Variants in ABTB3 observed in about 807,000 individuals in gnomAD.
ABTB3 encodes the protein ankyrin repeat and BTB domain containing 3.
the ABTB3 span, among the ~76,000 whole-genome samples, chr12:107,519,972 A>C: frequency 6.6e-6 from 1 of 152,186 alleles, no homozygotes; most frequent in African/African-American, 2.4e-5. Flanking sequence ...ACATCCTGAC[A>C]TATAGCTCCA....
chr12:107,612,867 G>C, the ABTB3 span: 1 of 1,613,436 alleles, frequency 6.2e-7, no homozygotes, highest in Non-Finnish European at 8.5e-7. Context: ...CCTGAATGTG[G>C]AGGTGAGGGT....
At chr12:107,619,216 T>G in the ABTB3 span, among the ~76,000 whole-genome samples, 1 of 152,328 alleles carries the variant, frequency 6.6e-6, no homozygotes, top group East Asian at 1.9e-4. Flanking sequence ...TTTTGCATGA[T>G]GATGAAGCTC....
At chr12:107,509,271 T>G in the ABTB3 span, among the ~76,000 whole-genome samples, 2 of 152,098 alleles carry the variant, frequency 1.3e-5, no homozygotes, top group East Asian at 3.9e-4. Context: ...TTGGATTACA[T>G]GGAAAGGGAA....
At chr12:107,415,442 C>T in the ABTB3 span, among the ~76,000 whole-genome samples, 98 of 152,212 alleles carry the variant, frequency 6.4e-4, 1 homozygote, top group African/African-American at 2.3e-3. Context: ...GGCGTGGTGG[C>T]TCACACCTGT....
chr12:107,563,245 A>G, the ABTB3 span, among the ~76,000 whole-genome samples: 1 of 152,232 alleles, frequency 6.6e-6, no homozygotes, highest in Admixed American at 6.5e-5. Flanking sequence ...GTAAAGTGGG[A>G]AAACCACCAG....
the ABTB3 span, among the ~76,000 whole-genome samples, chr12:107,405,106 A>C: frequency 6.6e-6 from 1 of 152,170 alleles, no homozygotes. Flanking sequence ...TAGACAAGGC[A>C]CTGGTTTGAT....
chr12:107,436,941 C>T, the ABTB3 span, among the ~76,000 whole-genome samples: 124 of 152,106 alleles, frequency 8.2e-4, no homozygotes, highest in African/African-American at 2.5e-3. Context: ...ACTTTCTCCC[C>T]GCTTCTGCAT....
the ABTB3 span, among the ~76,000 whole-genome samples, chr12:107,326,391 C>T: frequency 6.6e-6 from 1 of 152,148 alleles, no homozygotes; most frequent in Non-Finnish European, 1.5e-5. Context: ...GCCTTCAGTA[C>T]CTTTCTTGGG....
At chr12:107,465,785 A>C in the ABTB3 span, among the ~76,000 whole-genome samples, 1 of 151,974 alleles carries the variant, frequency 6.6e-6, no homozygotes. Context: ...CAGGCCTAAC[A>C]TCCCTGACTT....
At chr12:107,551,338 GA>G in the ABTB3 span, among the ~76,000 whole-genome samples, 9 of 151,046 alleles carry the variant, frequency 6.0e-5, no homozygotes, top group South Asian at 1.5e-3. Flanking sequence ...TTCCTAAGGA[GA>G]AAAAAAAATA....
At chr12:107,453,698 G>A in the ABTB3 span, among the ~76,000 whole-genome samples, 3 of 152,122 alleles carry the variant, frequency 2.0e-5, no homozygotes, top group East Asian at 3.8e-4. Flanking sequence ...AATTCCTCTG[G>A]TAAACCAGAA....
At chr12:107,415,682 T>C in the ABTB3 span, among the ~76,000 whole-genome samples, 1 of 147,126 alleles carries the variant, frequency 6.8e-6, no homozygotes, top group Non-Finnish European at 1.5e-5. Flanking sequence ...CACTCCAGCC[T>C]GGGTGACAGA....
chr12:107,426,976 C>T, the ABTB3 span, among the ~76,000 whole-genome samples: 1 of 152,200 alleles, frequency 6.6e-6, no homozygotes, highest in South Asian at 2.1e-4. Context: ...CCCCCACTGC[C>T]CCAAGAGCCA....
At chr12:107,563,122 A>G in the ABTB3 span, among the ~76,000 whole-genome samples, 2 of 152,172 alleles carry the variant, frequency 1.3e-5, no homozygotes, top group Non-Finnish European at 2.9e-5. Flanking sequence ...TTCTCATTAA[A>G]TCTTAATTAT....
the ABTB3 span, among the ~76,000 whole-genome samples, chr12:107,541,302 G>A: frequency 5.9e-5 from 9 of 152,210 alleles, no homozygotes; most frequent in Non-Finnish European, 1.3e-4. Flanking sequence ...TGGTGGAGAA[G>A]GGGTGAGATC....
chr12:107,550,899 TA>T, the ABTB3 span, among the ~76,000 whole-genome samples: 5 of 152,006 alleles, frequency 3.3e-5, no homozygotes, highest in Non-Finnish European at 5.9e-5. Flanking sequence ...AATTTACTTT[TA>T]AAAAAATAAA....
the ABTB3 span, chr12:107,544,134 G>A: frequency 4.3e-6 from 7 of 1,613,858 alleles, no homozygotes; most frequent in South Asian, 3.3e-5. Flanking sequence ...ACCTCCAGGT[G>A]GAAAGGTAAG....
chr12:107,598,419 T>C, the ABTB3 span, among the ~76,000 whole-genome samples: 1 of 152,246 alleles, frequency 6.6e-6, no homozygotes, highest in Admixed American at 6.5e-5. Context: ...ATCACATGGC[T>C]ATAGCCAGCC....
chr12:107,630,493 G>A, the ABTB3 span, among the ~76,000 whole-genome samples: 4 of 152,158 alleles, frequency 2.6e-5, no homozygotes, highest in African/African-American at 9.6e-5. Flanking sequence ...TTTATTTTTA[G>A]AGGTGGGGTT....
Sources: gnomAD v4.1 joint callset for allele counts (sites outside exome capture counted in the v4.1 genomes callset) on GRCh38, gnomAD v4.1.1 for gene constraint, MANE v1.5 for transcripts, NCBI Gene and HGNC (gene_info 2026-07-23, HGNC 2026-07-21) for gene names.